LRIG2: variants seen among roughly 807,000 people sequenced by gnomAD.
The protein encoded by LRIG2 is leucine-rich repeats and immunoglobulin-like domains protein 2.
LRIG2 carries 93 observed loss-of-function variants against 107.8 expected under a neutral mutation model. The ratio of observed to expected loss-of-function variants is 0.86; its 90% confidence interval spans 0.73 to 1.03. The LOEUF is 1.03. Among genes scored for constraint, LRIG2 ranks in the 50% least tolerant of loss-of-function variants. The pLI, the probability that LRIG2 is intolerant of heterozygous loss-of-function variation, is 0.00. For synonymous variants in LRIG2, 471 were observed against 470.6 expected, an observed-to-expected ratio of 1.00 and a Z score of -0.01; for missense variants, 1,226 against 1,296.0, an observed-to-expected ratio of 0.95 and a Z score of 0.83.
Position 113,110,524 on chromosome 1 carries a change from G to C in LRIG2, c.1760G>C (p.Gly587Ala), listed in dbSNP as rs906333054. 6.2e-7 allele frequency: 1 copy of C among 1,611,182 alleles called. No homozygotes were observed. Among genetic ancestry groups the C allele is most frequent in the Non-Finnish European group, 8.5e-7 (1 of 1,177,702 alleles). ...KYQCIVTNHF[G>A]SNYSQKAKLT... ...CAGTGTATTGTTACTAATCACTTTG[G>C]TTCTAATTATTCTCAGAAAGCCAAA... Residue 587 changes from glycine (G) to alanine (A), a missense_variant, in exon 13 of 18, where the codon GGT (glycine) becomes GCT (alanine). Gly to Ala is a moderately conservative substitution (Grantham distance 60). Coordinates refer to ENST00000361127, the MANE Select transcript of LRIG2 (RefSeq NM_014813.3).
At chr1:113,075,551 C>T (rs74114105) in intron 1 of LRIG2, among the ~76,000 whole-genome samples, 6,906 of 152,134 alleles carry the variant, frequency 0.045, 535 homozygotes, top group African/African-American at 0.16. Flanking sequence ...GTCAGTTAAA[C>T]CTAGCACAGC....
At chr1:113,088,773 A>T (rs1425663208) in intron 1 of LRIG2, among the ~76,000 whole-genome samples, 1 of 152,224 alleles carries the variant, frequency 6.6e-6, no homozygotes, top group African/African-American at 2.4e-5. Flanking sequence ...TTGAGTCAAA[A>T]CACCACAAAA....
chr1:113,118,042 C>T (rs536020866), intron 16 of LRIG2, among the ~76,000 whole-genome samples: 25 of 152,120 alleles, frequency 1.6e-4, no homozygotes, highest in Non-Finnish European at 3.5e-4. Flanking sequence ...GCCTCAGCCT[C>T]CTGAGTAGCT....
At chr1:113,122,012 G>A (rs942404868) in intron 17 of LRIG2, among the ~76,000 whole-genome samples, 16 of 149,122 alleles carry the variant, frequency 1.1e-4, no homozygotes, top group Admixed American at 6.0e-4. Context: ...ACTACTTCAT[G>A]TCCCACATTA....
At chr1:113,100,321 A>G (rs1414911987) in intron 10 of LRIG2, 39 bp downstream of exon 10, 2 of 1,521,440 alleles carry the variant, frequency 1.3e-6, no homozygotes, top group Non-Finnish European at 1.8e-6. Context: ...TCTATAAATA[A>G]TCTTTGCTAT....
chr1:113,119,133 C>A, intron 16 of LRIG2, 100 bp from the exon 17 acceptor site: 2 of 1,093,428 alleles, frequency 1.8e-6, no homozygotes, highest in Non-Finnish European at 1.3e-6. Flanking sequence ...GTGCTCAATA[C>A]ATGCTAGCAA....
chr1:113,093,618 T>C (rs1244745064), intron 4 of LRIG2, 54 bp downstream of exon 4: 4 of 227,048 alleles, frequency 1.8e-5, no homozygotes, highest in Non-Finnish European at 3.3e-5. Context: ...TTATGGGGAC[T>C]GTTGTGGGGT....
chr1:113,100,506 T>C lies in LRIG2; in HGVS notation c.1313+18T>C. On this transcript the variant is annotated intron_variant, in intron 11 of 17. Transcript: ENST00000361127. Reference sequence around the variant, plus strand: ...AAAGAACTGTAAGTAACTTGTCTTTTTAAAATCACCAGTTGGATCATTGTT... The same window carrying C: ...AAAGAACTGTAAGTAACTTGTCTTTCTAAAATCACCAGTTGGATCATTGTT... 7.3e-7 allele frequency: 1 copy of C among 1,377,834 alleles called. No individual in the cohort carries two copies. The highest frequency in any genetic ancestry group is 1.0e-6 in the Non-Finnish European group (1 of 978,828). 85.4% of individuals were successfully genotyped at this position (1,377,834 alleles called of 1,614,324 possible). A position where few individuals can be genotyped will look rare whatever the true frequency, so the allele number is the denominator to read the frequency against.
intron 15 of LRIG2, among the ~76,000 whole-genome samples, chr1:113,115,599 C>T (rs1419034454): frequency 6.6e-6 from 1 of 150,806 alleles, no homozygotes; most frequent in East Asian, 1.9e-4. Flanking sequence ...ATGATCTTGG[C>T]TCAATGCAAC....
rs868542221 is a variant in LRIG2 at position 113,129,517 on chromosome 1, C to A, written c.*5416C>A. 5 of 150,344 alleles carry A rather than the reference C, an allele frequency of 3.3e-5. No individual in the cohort carries two copies. Among genetic ancestry groups the A allele is most frequent in the African/African-American group, 1.2e-4 (5 of 40,798 alleles). The allele number at this position is 150,344 out of a possible 1,614,324, so 9.3% of individuals were successfully genotyped here. ...CTATTTAAATGTGAAGAGCCTATCT[C>A]TGGTCTTTAAATAAACACACACACA... On this transcript the variant is annotated 3_prime_UTR_variant, in exon 18 of 18. Transcript: ENST00000361127.
intron 11 of LRIG2, among the ~76,000 whole-genome samples, chr1:113,104,331 C>T (rs1396415641): frequency 6.6e-6 from 1 of 152,280 alleles, no homozygotes; most frequent in East Asian, 1.9e-4. Flanking sequence ...GTAGGCCCCC[C>T]ACCCTTCCTG....
intron 11 of LRIG2, among the ~76,000 whole-genome samples, chr1:113,101,393 T>A (rs1168018065): frequency 6.6e-6 from 1 of 152,156 alleles, no homozygotes; most frequent in African/African-American, 2.4e-5. Context: ...CTCTATTGAT[T>A]CAAATATGCA....
chr1:113,087,732 C>T (rs1023729687), intron 1 of LRIG2, among the ~76,000 whole-genome samples: 1 of 152,106 alleles, frequency 6.6e-6, no homozygotes, highest in Non-Finnish European at 1.5e-5. Flanking sequence ...ACGGGGAACA[C>T]GAGTATGCCT....
chr1:113,113,415 G>C (rs1654856775), intron 14 of LRIG2, among the ~76,000 whole-genome samples: 1 of 149,908 alleles, frequency 6.7e-6, no homozygotes, highest in Non-Finnish European at 1.5e-5. Flanking sequence ...TCAAATCCAG[G>C]GTAAATTCTA....
intron 11 of LRIG2, among the ~76,000 whole-genome samples, chr1:113,107,366 T>C (rs933715347): frequency 6.6e-6 from 1 of 152,200 alleles, no homozygotes; most frequent in Non-Finnish European, 1.5e-5. Flanking sequence ...TTAGTCGTCT[T>C]CAAAACAGAT....
chr1:113,098,999 C>A (rs539147213), intron 9 of LRIG2, among the ~76,000 whole-genome samples: 5 of 151,976 alleles, frequency 3.3e-5, no homozygotes, highest in Non-Finnish European at 7.4e-5. Context: ...GGCACGATCT[C>A]GGCTCACTAC....
rs983232420 is a variant in LRIG2, at chr1:113,089,746, A to G, written c.240-1572A>G. Among the ~76,000 whole-genome samples, 12 of 127,142 alleles carry G rather than the reference A, an allele frequency of 9.4e-5. No individual in the cohort carries two copies. In the South Asian group the frequency reaches 2.2e-3, roughly 23 times the overall value. The allele number at this position is 127,142 out of a possible 152,430, so 83.4% of individuals were successfully genotyped here. A position where few individuals can be genotyped will look rare whatever the true frequency, so the allele number is the denominator to read the frequency against. ...ACCGAGGCTGGAGTGCAGTGGTGCA[A>G]TCTTGGCTCACTACAACCTCACTAC... On this transcript the variant is annotated intron_variant, in intron 1 of 17. Coordinates refer to ENST00000361127, the MANE Select transcript of LRIG2 (RefSeq NM_014813.3).
chr1:113,088,917 T>C (rs531287247), intron 1 of LRIG2, among the ~76,000 whole-genome samples: 3 of 152,362 alleles, frequency 2.0e-5, no homozygotes, highest in South Asian at 4.1e-4. Flanking sequence ...TTTTATCTTT[T>C]ATATTTTCTG....
chr1:113,119,261 A>G lies in LRIG2; in HGVS notation c.2709A>G (p.Ser903=), dbSNP rs1655140052. 1.2e-6 allele frequency: 2 copies of G among 1,613,642 alleles called. No homozygotes were observed. The highest frequency in any genetic ancestry group is 2.2e-5 in the East Asian group (1 of 44,864). ...GCACTGGTACCCGGGTGATTTGCTC[A>G]GATTGTTATGACAATGCCAACATCT... ...DGGTGTRVIC[S]DCYDNANIYS... The change falls in exon 17 of 18, where the codon TCA becomes TCG. Residue 903 remains serine (S), a synonymous_variant. Coordinates refer to ENST00000361127, the MANE Select transcript of LRIG2 (RefSeq NM_014813.3).
Sources: gnomAD v4.1 joint callset for allele counts (sites outside exome capture counted in the v4.1 genomes callset) on GRCh38, gnomAD v4.1.1 for gene constraint, MANE v1.5 for transcripts, NCBI Gene and HGNC (gene_info 2026-07-23, HGNC 2026-07-21) for gene names.